Variants in TUBB1 observed in about 807,000 individuals in gnomAD.
TUBB1 encodes the protein tubulin beta 1 class VI.
Under a neutral mutation model 22.6 loss-of-function variants are expected in TUBB1, and 28 were observed. The observed-to-expected ratio is 1.24, with a 90% CI of 0.92 to 1.70. TUBB1 has a LOEUF of 1.70. Among genes scored for constraint, TUBB1 ranks in the 40% most tolerant of loss-of-function variants. The pLI is 0.00. For missense variants in TUBB1, 577 were observed against 605.5 expected (o/e 0.95, Z 0.49); for synonymous variants, 226 against 238.0 (o/e 0.95, Z 0.46).
rs1408838451 is a variant in TUBB1, at chr20:59,025,688, C to T, written c.*905C>T. The T allele has an allele frequency of 6.6e-6, 1 of 152,246 alleles. No individual in the cohort carries two copies. The highest frequency in any genetic ancestry group is 1.5e-5 in the Non-Finnish European group (1 of 68,044). The allele number at this position is 152,246 out of a possible 1,614,324, so 9.4% of individuals were successfully genotyped here. ...TCTCTGCTCTTTGAGAAAGGGCACA[C>T]CATGCGCTCGGCAACCATTCAAATG... is the stretch of plus-strand genomic sequence containing the variant. On this transcript the variant is annotated 3_prime_UTR_variant, in exon 4 of 4. Transcript: ENST00000217133.
upstream of TUBB1, among the ~76,000 whole-genome samples, chr20:59,017,680 C>T (rs934365564): frequency 4.6e-5 from 7 of 152,196 alleles, no homozygotes; most frequent in Non-Finnish European, 8.8e-5. Flanking sequence ...ACCAAGGTCA[C>T]GGGTCTGGCG....
intron 2 of TUBB1, 126 bp from the exon 3 acceptor site, chr20:59,023,364 C>T: frequency 1.2e-6 from 1 of 839,732 alleles, no homozygotes; most frequent in Non-Finnish European, 2.0e-6. Flanking sequence ...AAATCTCGAC[C>T]TACCAAGGGC....
chr20:59,022,637 G>A (rs2091972766), intron 1 of TUBB1, among the ~76,000 whole-genome samples: 1 of 152,192 alleles, frequency 6.6e-6, no homozygotes, highest in Non-Finnish European at 1.5e-5. Flanking sequence ...TTCAGGTGGG[G>A]AGAAAATGCA....
chr20:59,020,385 T>C (rs1437542113), intron 1 of TUBB1, among the ~76,000 whole-genome samples: 1 of 152,362 alleles, frequency 6.6e-6, no homozygotes, highest in East Asian at 1.9e-4. Context: ...GGTTTCACCA[T>C]GTTGGTCAGG....
chr20:59,025,097 G>T lies in TUBB1; in HGVS notation c.*314G>T. The stretch of plus-strand genomic sequence containing the variant: ...TGCCAGGCATCCAGACTACACGTGT[G>T]GATTTGCAGGGAGCCACTGGAGTTG... On this transcript the variant is annotated 3_prime_UTR_variant, in exon 4 of 4. Transcript: ENST00000217133. The T allele has an allele frequency of 2.5e-6, 1 of 396,068 alleles. No homozygotes were observed. Among genetic ancestry groups the T allele is most frequent in the Non-Finnish European group, 4.8e-6 (1 of 209,234 alleles). The allele number at this position is 396,068 out of a possible 1,614,324, so 24.5% of individuals were successfully genotyped here. A position where few individuals can be genotyped will look rare whatever the true frequency, so the allele number is the denominator to read the frequency against.
rs2091974874 is a variant in TUBB1, at chr20:59,022,944, G to A, written c.157G>A (p.Glu53Lys). The A allele has an allele frequency of 3.1e-6, 5 of 1,613,730 alleles. No homozygotes were observed. Among genetic ancestry groups the A allele is most frequent in the Non-Finnish European group, 4.2e-6 (5 of 1,179,930 alleles). Reference sequence around the variant, plus strand: ...GGAGAGAATCAGCGTGTACTACAACGAAGCCTACGGTAGGACTGGCGGGGC... The same window carrying A: ...GGAGAGAATCAGCGTGTACTACAACAAAGCCTACGGTAGGACTGGCGGGGC... Reference protein sequence around the residue: ...QLERISVYYNEAYGRKYVPRA... With the variant: ...QLERISVYYNKAYGRKYVPRA... Residue 53 changes from glutamate (E) to lysine (K), a missense_variant, in exon 2 of 4, where the codon GAA (glutamate) becomes AAA (lysine). Glu to Lys is a moderately conservative substitution (Grantham distance 56, BLOSUM62 1). Coordinates refer to ENST00000217133, the MANE Select transcript of TUBB1 (RefSeq NM_030773.4).
At chr20:59,022,679 G>A (rs2091972981) in intron 1 of TUBB1, among the ~76,000 whole-genome samples, 166 bp from the exon 2 acceptor site, 2 of 152,224 alleles carry the variant, frequency 1.3e-5, no homozygotes, top group East Asian at 1.9e-4. Flanking sequence ...GCTTAGTAGA[G>A]GCAAAAAGCG....
chr20:59,026,405 A>G lies in TUBB1; in HGVS notation c.*1622A>G, dbSNP rs549661772. The stretch of plus-strand genomic sequence containing the variant: ...AGTTAGTAACTTCCTGAGATGCTAA[A>G]GACTTACAGCCTGCGATTATACAAG... On this transcript the variant is annotated 3_prime_UTR_variant, in exon 4 of 4. Coordinates refer to ENST00000217133, the MANE Select transcript of TUBB1 (RefSeq NM_030773.4). The G allele has an allele frequency of 1.3e-5, 2 of 152,244 alleles. No homozygotes were observed. The highest frequency in any genetic ancestry group is 2.9e-5 in the Non-Finnish European group (2 of 68,042). The allele number at this position is 152,244 out of a possible 1,614,324, so 9.4% of individuals were successfully genotyped here. A position where few individuals can be genotyped will look rare whatever the true frequency, so the allele number is the denominator to read the frequency against.
Position 59,025,144 on chromosome 20 carries a change from G to A in TUBB1, c.*361G>A. The A allele has an allele frequency of 2.9e-6, 1 of 346,372 alleles. No homozygotes were observed. Among genetic ancestry groups the A allele is most frequent in the South Asian group, 2.4e-5 (1 of 41,724 alleles). The allele number at this position is 346,372 out of a possible 1,614,324, so 21.5% of individuals were successfully genotyped here. A position where few individuals can be genotyped will look rare whatever the true frequency, so the allele number is the denominator to read the frequency against. The stretch of plus-strand genomic sequence containing the variant: ...GTTGGTGTTACATTTTTATACTTTA[G>A]CAGCACTGATAGGCACCCTGGAATC... On this transcript the variant is annotated 3_prime_UTR_variant, in exon 4 of 4. Transcript: ENST00000217133.
rs2091989245 is a variant in TUBB1, at chr20:59,025,364, G to A, written c.*581G>A. 1.3e-5 allele frequency: 2 copies of A among 156,488 alleles called. No homozygotes were observed. Among genetic ancestry groups the A allele is most frequent in the Admixed American group, 1.2e-4 (2 of 16,322 alleles). 9.7% of individuals were successfully genotyped at this position (156,488 alleles called of 1,614,324 possible). A position where few individuals can be genotyped will look rare whatever the true frequency, so the allele number is the denominator to read the frequency against. ...AGAAATATCCATGTTGTGTAGACCT[G>A]TGCATACAACATGCTAACTGGAAAA... On this transcript the variant is annotated 3_prime_UTR_variant, in exon 4 of 4. Transcript: ENST00000217133.
chr20:59,021,911 C>T (rs1404918289), intron 1 of TUBB1, among the ~76,000 whole-genome samples: 2 of 152,086 alleles, frequency 1.3e-5, no homozygotes, highest in African/African-American at 4.8e-5. Flanking sequence ...AGGAGAATTG[C>T]TTGAACCCAG....
In TUBB1 at chr20:59,026,072, A is replaced by G. The variant is rs866778029; in HGVS notation, c.*1289A>G. The G allele has an allele frequency of 6.6e-6, 1 of 152,214 alleles. No homozygotes were observed. The highest frequency in any genetic ancestry group is 1.5e-5 in the Non-Finnish European group (1 of 68,042). The allele number at this position is 152,214 out of a possible 1,614,324, so 9.4% of individuals were successfully genotyped here. ...AAAATGCTCCGACCCTCAATGCAGT[A>G]AATATTTACTTGCAGGCAACTGGGT... On this transcript the variant is annotated 3_prime_UTR_variant, in exon 4 of 4. Coordinates refer to ENST00000217133, the MANE Select transcript of TUBB1 (RefSeq NM_030773.4).
rs1403762807 is a variant in TUBB1, at chr20:59,025,292, T to C, written c.*509T>C. 4.8e-6 allele frequency: 1 copy of C among 209,964 alleles called. No individual in the cohort carries two copies. The highest frequency in any genetic ancestry group is 2.3e-5 in the African/African-American group (1 of 43,536). The allele number at this position is 209,964 out of a possible 1,614,324, so 13.0% of individuals were successfully genotyped here. ...CCAGAAGAGCCAGGTGCCTGACTAG[T>C]ACATGGGGAGCTACAGAGCCAAGGT... On this transcript the variant is annotated 3_prime_UTR_variant, in exon 4 of 4. Coordinates refer to ENST00000217133, the MANE Select transcript of TUBB1 (RefSeq NM_030773.4).
upstream of TUBB1, among the ~76,000 whole-genome samples, chr20:59,017,482 T>C (rs1318949228): frequency 6.6e-6 from 1 of 152,210 alleles, no homozygotes; most frequent in African/African-American, 2.4e-5. Context: ...TTGAGCTCCT[T>C]TGGGAGTAAG....
chr20:59,024,450 TGTGGA>T lies in TUBB1; in HGVS notation c.1029_1033del (p.Glu343AspfsTer35). On this transcript the variant is annotated frameshift_variant, in exon 4 of 4. Transcript: ENST00000217133. LOFTEE classifies it low-confidence loss of function (END_TRUNC). This position sits in a 1 kb window ranked among gnomAD's most constrained non-coding sequence, Gnocchi z 4.9. ...TGCAGACCAGGAACAGCAGCTGCTT[TGTGGA>T]GTGGATTCCCAACAACGTCAAGGTG... 1.2e-6 allele frequency: 2 copies of T among 1,614,218 alleles called. No individual in the cohort carries two copies. Among genetic ancestry groups the T allele is most frequent in the Non-Finnish European group, 1.7e-6 (2 of 1,180,044 alleles).
rs1033309092 is a variant in TUBB1, at chr20:59,026,258, A to T, written c.*1475A>T. On this transcript the variant is annotated 3_prime_UTR_variant, in exon 4 of 4. Transcript: ENST00000217133. ...AAAATACCTTGCCATCGGATCATCA[A>T]CAAGTCTTCTATTTACAAACTTCAA... 6.6e-6 allele frequency: 1 copy of T among 152,242 alleles called. No homozygotes were observed. Among genetic ancestry groups the T allele is most frequent in the Admixed American group, 6.5e-5 (1 of 15,286 alleles). The allele number at this position is 152,242 out of a possible 1,614,324, so 9.4% of individuals were successfully genotyped here.
At chr20:59,017,357 C>T (rs1472539443), upstream of TUBB1, among the ~76,000 whole-genome samples, 1 of 152,240 alleles carries the variant, frequency 6.6e-6, no homozygotes. Flanking sequence ...GATCTACACA[C>T]TAGACAGAGG....
Position 59,022,901 on chromosome 20 carries a change from G to A in TUBB1, c.114G>A (p.Gly38=). ...TCGACTTGGCTGGGAGCGACCGCGG[G>A]GCCTCGGCCTTGCAGCTGGAGAGAA... ...HGIDLAGSDR[G]ASALQLERIS... Residue 38 remains glycine, a synonymous_variant, in exon 2 of 4, where the codon GGG becomes GGA. Transcript: ENST00000217133. 1 of 1,614,124 alleles carries A rather than the reference G, an allele frequency of 6.2e-7. No homozygotes were observed.
chr20:59,019,884 G>A (rs1335610202), intron 1 of TUBB1, among the ~76,000 whole-genome samples: 2 of 151,824 alleles, frequency 1.3e-5, no homozygotes, highest in East Asian at 1.9e-4. Context: ...TACATAATAC[G>A]TTTATCATCT....
Sources: allele counts gnomAD v4.1 joint callset (sites outside exome capture counted in the v4.1 genomes callset), GRCh38; gene constraint gnomAD v4.1.1; non-coding constraint Gnocchi (gnomAD v3.1); transcripts MANE v1.5; gene names NCBI Gene and HGNC (gene_info 2026-07-23, HGNC 2026-07-21).